The following TRPS1 variants were observed in gnomAD, a reference collection of about 807,000 sequenced individuals.
The protein encoded by TRPS1 is transcriptional repressor GATA binding 1.
In TRPS1, 6 loss-of-function variants were observed where a neutral mutation model predicts 101.2. The observed-to-expected ratio is 0.06, with a 90% CI of 0.03 to 0.12. The LOEUF is 0.12. TRPS1 is among the 10% of genes least tolerant of loss of function. TRPS1 has a pLI of 1.00. For synonymous variants in TRPS1, 578 were observed against 589.8 expected (o/e 0.98, Z 0.29); for missense variants, 1,363 against 1,567.0 (o/e 0.87, Z 2.20).
chr8:115,514,401 T>C (rs1414093318), intron 5 of TRPS1, among the ~76,000 whole-genome samples: 2 of 151,682 alleles, frequency 1.3e-5, no homozygotes, highest in East Asian at 1.9e-4. Flanking sequence ...TATGTCTCCA[T>C]TTTGATACCT....
At chr8:115,565,806 A>G (rs1176919150) in intron 5 of TRPS1, among the ~76,000 whole-genome samples, 2 of 152,142 alleles carry the variant, frequency 1.3e-5, no homozygotes, top group Non-Finnish European at 2.9e-5. Context: ...TGCCAACTAA[A>G]ATAAATATTT....
At chr8:115,645,765 G>A (rs1235048033) in intron 1 of TRPS1, among the ~76,000 whole-genome samples, 1 of 152,120 alleles carries the variant, frequency 6.6e-6, no homozygotes, top group South Asian at 2.1e-4. Flanking sequence ...AGGCAAAGAT[G>A]TACAATGTGA....
chr8:115,476,771 G>C (rs1393038931), intron 5 of TRPS1, among the ~76,000 whole-genome samples: 3 of 152,112 alleles, frequency 2.0e-5, no homozygotes, highest in South Asian at 2.1e-4. Context: ...GGACCAACAT[G>C]ATCAAGCAAA....
chr8:115,612,183 A>G (rs576463651), intron 3 of TRPS1, among the ~76,000 whole-genome samples: 2 of 151,938 alleles, frequency 1.3e-5, no homozygotes, highest in South Asian at 4.2e-4. Flanking sequence ...AGGAGGAAGA[A>G]GAAGGAATGA....
chr8:115,602,745 G>C (rs961753642), intron 4 of TRPS1, among the ~76,000 whole-genome samples: 1 of 152,120 alleles, frequency 6.6e-6, no homozygotes. Context: ...TAGCATATTG[G>C]TATAGTAAGT....
At chr8:115,609,973 G>C (rs888631311) in intron 3 of TRPS1, among the ~76,000 whole-genome samples, 4 of 152,130 alleles carry the variant, frequency 2.6e-5, no homozygotes, top group African/African-American at 9.7e-5. Flanking sequence ...TGGAGCAAAA[G>C]CTAACAAGAA....
At chr8:115,456,132 A>G (rs1258292533) in intron 5 of TRPS1, among the ~76,000 whole-genome samples, 1 of 152,078 alleles carries the variant, frequency 6.6e-6, no homozygotes, top group African/African-American at 2.4e-5. Flanking sequence ...TTCTTATACA[A>G]CATACAAAAT....
chr8:115,499,073 G>A (rs1815237935), intron 5 of TRPS1, among the ~76,000 whole-genome samples: 1 of 152,074 alleles, frequency 6.6e-6, no homozygotes, highest in South Asian at 2.1e-4. Flanking sequence ...TATGTCTCAA[G>A]CAGAACTTAT....
At chr8:115,548,603 G>T (rs1259143140) in intron 5 of TRPS1, among the ~76,000 whole-genome samples, 1 of 152,106 alleles carries the variant, frequency 6.6e-6, no homozygotes, top group Non-Finnish European at 1.5e-5. Flanking sequence ...TCATTTGGAG[G>T]AAACCTGAGG....
chr8:115,560,688 G>T (rs547513678), intron 5 of TRPS1, among the ~76,000 whole-genome samples: 1 of 152,050 alleles, frequency 6.6e-6, no homozygotes, highest in Non-Finnish European at 1.5e-5. Flanking sequence ...TCAGAAACTG[G>T]ACTGGATGAA....
At chr8:115,459,002 T>TA (rs1020806515) in intron 5 of TRPS1, among the ~76,000 whole-genome samples, 9 of 151,992 alleles carry the variant, frequency 5.9e-5, no homozygotes, top group East Asian at 1.9e-4. Flanking sequence ...AACTTTTAAC[T>TA]AAAAAAAATA....
Position 115,604,322 on chromosome 8 carries a change from A to G in TRPS1, c.1647T>C (p.His549=), listed in dbSNP as rs758914549. The G allele has an allele frequency of 1.2e-6, 2 of 1,614,130 alleles. No homozygotes were observed. The highest frequency in any genetic ancestry group is 1.7e-6 in the Non-Finnish European group (2 of 1,180,002). Residue 549 remains histidine, a synonymous_variant, in exon 4 of 7, where the codon CAT becomes CAC. Coordinates refer to ENST00000395715, the MANE Select transcript of TRPS1 (RefSeq NM_014112.5). This position sits in a 1 kb window ranked among gnomAD's most constrained non-coding sequence, Gnocchi z 4.1. Reference sequence around the variant, plus strand: ...GCCCCACTACAATTACATCAGGGCCATGGCTTTTGGAATATCGGAAGTCAC... The same window carrying G: ...GCCCCACTACAATTACATCAGGGCCGTGGCTTTTGGAATATCGGAAGTCAC... ...QFCDFRYSKS[H]GPDVIVVGPL... is the part of the protein sequence containing the mutation.
Position 115,514,456 on chromosome 8 carries a change from G to A in TRPS1, c.2700+72545C>T, listed in dbSNP as rs371653892. Among the ~76,000 whole-genome samples the A allele has an allele frequency of 7.9e-4, 120 of 151,564 alleles. 3 individuals carry two copies. The South Asian group carries it at 0.024, about 30-fold the overall frequency. ...ACTATACCTCTTTTATTAGATAAAG[G>A]CATATATTCGTTTTATTAGATAATA... On this transcript the variant is annotated intron_variant, in intron 5 of 6. Transcript: ENST00000395715.
Position 115,412,168 on chromosome 8 carries a change from A to G in TRPS1, c.*1855T>C, listed in dbSNP as rs1486571813. The G allele has an allele frequency of 6.6e-6, 1 of 151,458 alleles. No individual in the cohort carries two copies. The highest frequency in any genetic ancestry group is 1.5e-5 in the Non-Finnish European group (1 of 67,942). 9.4% of individuals were successfully genotyped at this position (151,458 alleles called of 1,614,324 possible). A position where few individuals can be genotyped will look rare whatever the true frequency, so the allele number is the denominator to read the frequency against. ...CTTAAGCATAACAATGTGAGTTAAG[A>G]GCTTAAAAATTAAAAAAAAAAAAGT... On this transcript the variant is annotated 3_prime_UTR_variant, in exon 7 of 7. Transcript: ENST00000395715.
intron 5 of TRPS1, among the ~76,000 whole-genome samples, chr8:115,485,366 C>A (rs148974858): frequency 6.6e-6 from 1 of 152,318 alleles, no homozygotes; most frequent in African/African-American, 2.4e-5. Flanking sequence ...CACGGCCCAG[C>A]TGACATCTCA....
intron 5 of TRPS1, among the ~76,000 whole-genome samples, chr8:115,462,216 C>T (rs1814198193): frequency 4.6e-5 from 7 of 152,206 alleles, no homozygotes; most frequent in Admixed American, 4.6e-4. Context: ...CAAGCAACTC[C>T]AGTGCCCAGG....
At chr8:115,649,505 T>C (rs1327263406) in intron 1 of TRPS1, among the ~76,000 whole-genome samples, 1 of 152,152 alleles carries the variant, frequency 6.6e-6, no homozygotes, top group Admixed American at 6.5e-5. Flanking sequence ...GCAGTTTCTA[T>C]CTCAAGTGAA....
In TRPS1 at chr8:115,414,563, A is replaced by G; in HGVS notation, c.3345T>C (p.Asn1115=). 4 of 1,613,982 alleles carry G rather than the reference A, an allele frequency of 2.5e-6. No individual in the cohort carries two copies. Among genetic ancestry groups the G allele is most frequent in the Non-Finnish European group, 3.4e-6 (4 of 1,179,962 alleles). ...GCCAATCAGCTTCACTCTGGAAGTCATTATGTACAAAGGGAAGTCCAAAAA... is the reference window on the plus strand; with the variant it reads ...GCCAATCAGCTTCACTCTGGAAGTCGTTATGTACAAAGGGAAGTCCAAAAA... ...YPLFGLPFVH[N]DFQSEADWLR... Residue 1115 remains asparagine (N), a synonymous_variant, in exon 7 of 7, where the codon AAT becomes AAC. Transcript: ENST00000395715. The surrounding 1 kb of genome is among the most constrained non-coding windows in gnomAD (Gnocchi z 4.8).
Position 115,461,571 on chromosome 8 carries a change from G to A in TRPS1, c.2701-43119C>T, listed in dbSNP as rs148777203. Among the ~76,000 whole-genome samples the A allele has an allele frequency of 3.3e-4, 50 of 152,200 alleles. No individual in the cohort carries two copies. In the East Asian group the frequency reaches 8.3e-3, roughly 25 times the overall value. On this transcript the variant is annotated intron_variant, in intron 5 of 6. Coordinates refer to ENST00000395715, the MANE Select transcript of TRPS1 (RefSeq NM_014112.5). Reference sequence around the variant, plus strand: ...TCCCCATGGTAGGCATTCCATAAAGGTTTCTTGAACTAATGAACACCTGAA... The same window carrying A: ...TCCCCATGGTAGGCATTCCATAAAGATTTCTTGAACTAATGAACACCTGAA...
Sources: allele counts gnomAD v4.1 joint callset (sites outside exome capture counted in the v4.1 genomes callset), GRCh38; gene constraint gnomAD v4.1.1; non-coding constraint Gnocchi (gnomAD v3.1); transcripts MANE v1.5; gene names NCBI Gene and HGNC (gene_info 2026-07-23, HGNC 2026-07-21).